BPTF: variants seen among roughly 807,000 people sequenced by gnomAD.
BPTF encodes nucleosome-remodeling factor subunit BPTF.
In BPTF, 18 loss-of-function variants were observed where a neutral mutation model predicts 292.5. The observed-to-expected ratio is 0.06, with a 90% CI of 0.04 to 0.09. The LOEUF is 0.09. BPTF is among the 10% of genes least tolerant of loss of function. BPTF has a pLI of 1.00. For missense variants in BPTF, 2,726 were observed against 3,498.7 expected, an observed-to-expected ratio of 0.78 and a Z score of 5.57; for synonymous variants, 1,225 against 1,251.9, an observed-to-expected ratio of 0.98 and a Z score of 0.45.
chr17:67,903,710 T>G, intron 7 of BPTF, 79 bp from the exon 8 acceptor site: 2 of 1,344,672 alleles, frequency 1.5e-6, no homozygotes, highest in South Asian at 3.5e-5. Context: ...TTTGTTTTCC[T>G]AATTTTTCAG....
chr17:67,859,025 A>G (rs2058908377), intron 2 of BPTF, among the ~76,000 whole-genome samples: 1 of 152,226 alleles, frequency 6.6e-6, no homozygotes, highest in Non-Finnish European at 1.5e-5. Flanking sequence ...GCCAAGAGCA[A>G]CATTTATTGA....
At chr17:67,831,512 G>C (rs773092668) in intron 1 of BPTF, among the ~76,000 whole-genome samples, 1 of 152,166 alleles carries the variant, frequency 6.6e-6, no homozygotes, top group African/African-American at 2.4e-5. Context: ...ACCCACGGGC[G>C]TGTTTGGAAG....
intron 7 of BPTF, among the ~76,000 whole-genome samples, chr17:67,899,174 G>T (rs1259730371): frequency 6.6e-6 from 1 of 152,156 alleles, no homozygotes; most frequent in African/African-American, 2.4e-5. Context: ...AAGCAATAAT[G>T]CAGGTAGACA....
chr17:67,932,397 C>A (rs1232745527), intron 18 of BPTF, among the ~76,000 whole-genome samples: 1 of 152,190 alleles, frequency 6.6e-6, no homozygotes, highest in African/African-American at 2.4e-5. Flanking sequence ...ATTAAAACTA[C>A]CATTTTAAAA....
chr17:67,875,355 A>G (rs1399863875), intron 4 of BPTF, among the ~76,000 whole-genome samples: 1 of 152,212 alleles, frequency 6.6e-6, no homozygotes, highest in Non-Finnish European at 1.5e-5. Flanking sequence ...TTACTTAAGC[A>G]TTCTTAATAT....
chr17:67,895,103 A>C (rs980120003), intron 7 of BPTF, among the ~76,000 whole-genome samples: 2 of 152,178 alleles, frequency 1.3e-5, no homozygotes, highest in Non-Finnish European at 2.9e-5. Flanking sequence ...AGTTTTTAAA[A>C]TATAAATACA....
At chr17:67,864,297 C>T (rs1024158566) in intron 2 of BPTF, among the ~76,000 whole-genome samples, 6 of 151,922 alleles carry the variant, frequency 3.9e-5, no homozygotes, top group South Asian at 2.1e-4. Context: ...GAGGTTGAGG[C>T]GGGCGGATTG....
At chr17:67,964,056 A>G (rs2067770294) in intron 24 of BPTF, among the ~76,000 whole-genome samples, 156 bp from the exon 25 acceptor site, 1 of 152,230 alleles carries the variant, frequency 6.6e-6, no homozygotes, top group Non-Finnish European at 1.5e-5. Context: ...AAAATACTAA[A>G]TTAATGAACT....
chr17:67,889,162 A>T (rs1415167646), intron 4 of BPTF, among the ~76,000 whole-genome samples: 1 of 152,104 alleles, frequency 6.6e-6, no homozygotes, highest in Admixed American at 6.6e-5. Flanking sequence ...CATCACAAGG[A>T]TCCACTGCTT....
chr17:67,919,420 A>G (rs951794378), intron 12 of BPTF, among the ~76,000 whole-genome samples: 1 of 152,004 alleles, frequency 6.6e-6, no homozygotes, highest in Non-Finnish European at 1.5e-5. Context: ...TTGTGTTTGT[A>G]GTCCCTGCCA....
rs781811526 is a variant in BPTF, at chr17:67,959,571, A to G, written c.7957A>G (p.Lys2653Glu). Residue 2653 changes from lysine (K) to glutamate (E), a missense_variant, in exon 24 of 28, where the codon AAA (lysine) becomes GAA (glutamate). Physicochemically the swap from Lys to Glu is moderately conservative, Grantham distance 56. Around this residue, in one of 22 missense-constraint regions of BPTF, gnomAD observed 148 missense variants for 145.5 expected, o/e 1.02. Coordinates refer to ENST00000306378, the MANE Select transcript of BPTF (RefSeq NM_182641.4). ...GCTGAAGAGAGACCTGAAAATTAAG[A>G]AAGAAAAAGACCTGATGCAGTTGGC... ...EELKRDLKIK[K>E]EKDLMQLAQA... The G allele has an allele frequency of 1.3e-6, 2 of 1,527,774 alleles. No individual in the cohort carries two copies. The highest frequency in any genetic ancestry group is 1.7e-6 in the Non-Finnish European group (2 of 1,143,274). The allele number at this position is 1,527,774 out of a possible 1,614,324, so 94.6% of individuals were successfully genotyped here.
chr17:67,971,299 G>A (rs941494954), intron 26 of BPTF, among the ~76,000 whole-genome samples: 1 of 151,824 alleles, frequency 6.6e-6, no homozygotes, highest in Non-Finnish European at 1.5e-5. Context: ...GGCTGATCTC[G>A]AACTCCTGAC....
At chr17:67,853,798 C>A in intron 1 of BPTF, 142 bp from the exon 2 acceptor site, 1 of 654,320 alleles carries the variant, frequency 1.5e-6, no homozygotes, top group South Asian at 2.5e-5. Flanking sequence ...AGAGCTGAAT[C>A]ATTGCTTCTT....
intron 18 of BPTF, among the ~76,000 whole-genome samples, chr17:67,940,181 G>A (rs923985634): frequency 2.6e-5 from 4 of 152,064 alleles, no homozygotes; most frequent in African/African-American, 9.7e-5. Context: ...AGATTTATAG[G>A]AAGAATTTTA....
rs1162557430 is a variant in BPTF, at chr17:67,911,905, T to G, written c.4021T>G (p.Ser1341Ala). 1 of 1,613,884 alleles carries G rather than the reference T, an allele frequency of 6.2e-7. No homozygotes were observed. Among genetic ancestry groups the G allele is most frequent in the East Asian group, 2.2e-5 (1 of 44,872 alleles). The change falls in exon 11 of 28, where the codon TCC becomes GCC. Residue 1341 changes from serine (S) to alanine (A), a missense_variant. By Grantham distance (99) the Ser-to-Ala change is moderately conservative. Coordinates refer to ENST00000306378, the MANE Select transcript of BPTF (RefSeq NM_182641.4). ...PLKCELVSGE[S>A]TGNCEDRLPV... Reference sequence around the variant, plus strand: ...AAAGTGTGAGTTGGTTTCTGGTGAGTCCACTGGAAACTGTGAGGACAGGCT... The same window carrying G: ...AAAGTGTGAGTTGGTTTCTGGTGAGGCCACTGGAAACTGTGAGGACAGGCT...
intron 4 of BPTF, among the ~76,000 whole-genome samples, chr17:67,885,788 G>C (rs1201092643): frequency 1.4e-4 from 22 of 152,184 alleles, no homozygotes; most frequent in Admixed American, 1.4e-3. Context: ...CTGGCGCACT[G>C]TAAGTTTTGA....
Position 67,825,886 on chromosome 17 carries a change from C to T in BPTF, c.162C>T (p.Ala54=). The change falls in exon 1 of 28, where the codon GCC becomes GCT. Residue 54 remains alanine (A), a synonymous_variant. Transcript: ENST00000306378. The part of the protein sequence containing the change: ...RGSSRGRWAA[A]QAEVAPKTRL... ...GCAGCCGGGGCAGGTGGGCCGCCGCCCAGGCTGAGGTGGCGCCCAAGACGC... is the reference window on the plus strand; with the variant it reads ...GCAGCCGGGGCAGGTGGGCCGCCGCTCAGGCTGAGGTGGCGCCCAAGACGC... 9.8e-7 allele frequency: 1 copy of T among 1,015,678 alleles called. No individual in the cohort carries two copies. The highest frequency in any genetic ancestry group is 1.2e-6 in the Non-Finnish European group (1 of 851,466). 62.9% of individuals were successfully genotyped at this position (1,015,678 alleles called of 1,614,324 possible).
intron 18 of BPTF, among the ~76,000 whole-genome samples, chr17:67,935,785 G>C (rs2064864406): frequency 6.6e-6 from 1 of 152,074 alleles, no homozygotes; most frequent in African/African-American, 2.4e-5. Flanking sequence ...AACCCTAGAG[G>C]CAGAGGTTTC....
At chr17:67,918,562 T>C (rs1332098432) in intron 11 of BPTF, 152 bp from the exon 12 acceptor site, 5 of 602,986 alleles carry the variant, frequency 8.3e-6, no homozygotes, top group South Asian at 8.8e-5. Context: ...AAAGGACATA[T>C]AATACCAAAG....
Sources: allele counts gnomAD v4.1 joint callset (sites outside exome capture counted in the v4.1 genomes callset), GRCh38; gene constraint gnomAD v4.1.1; regional missense constraint gnomAD v4.1.1; transcripts MANE v1.5; gene names NCBI Gene and HGNC (gene_info 2026-07-23, HGNC 2026-07-21).